FHIT: variants seen among roughly 807,000 people sequenced by gnomAD.
FHIT encodes the protein fragile histidine triad diadenosine triphosphatase.
Under a neutral mutation model 17.9 loss-of-function variants are expected in FHIT, and 19 were observed. The observed-to-expected ratio is 1.06, with a 90% CI of 0.74 to 1.56. The LOEUF is 1.56. Among genes scored for constraint, FHIT ranks in the 40% most tolerant of loss-of-function variants. The pLI is 0.00. For synonymous variants in FHIT, 81 were observed against 69.7 expected, an observed-to-expected ratio of 1.16 and a Z score of -0.81; for missense variants, 248 against 189.2, an observed-to-expected ratio of 1.31 and a Z score of -1.82.
intron 5 of FHIT, among the ~76,000 whole-genome samples, chr3:60,457,791 T>G (rs1195567219): frequency 2.6e-5 from 4 of 151,094 alleles, no homozygotes; most frequent in Non-Finnish European, 4.4e-5. Context: ...CAGACACTTC[T>G]CAAAAGAAGA....
chr3:60,319,684 G>T (rs957672212), intron 5 of FHIT, among the ~76,000 whole-genome samples: 1 of 152,144 alleles, frequency 6.6e-6, no homozygotes, highest in Non-Finnish European at 1.5e-5. Context: ...CAGCAGCACA[G>T]CCACAATGAA....
At chr3:60,530,018 A>T (rs1032115245) in intron 5 of FHIT, among the ~76,000 whole-genome samples, 1 of 152,128 alleles carries the variant, frequency 6.6e-6, no homozygotes, top group African/African-American at 2.4e-5. Context: ...AAAAGTCCTA[A>T]TCAAAATGAC....
chr3:60,074,702 T>C (rs1352943551), intron 5 of FHIT, among the ~76,000 whole-genome samples: 2 of 152,182 alleles, frequency 1.3e-5, no homozygotes, highest in Non-Finnish European at 2.9e-5. Flanking sequence ...CATGATGTTC[T>C]TGTTGGCAGA....
intron 4 of FHIT, among the ~76,000 whole-genome samples, chr3:60,620,506 T>C (rs2039090841): frequency 6.6e-6 from 1 of 152,078 alleles, no homozygotes; most frequent in Non-Finnish European, 1.5e-5. Context: ...ATGGAGTTAC[T>C]TTACAGGCAT....
At chr3:60,921,721 C>T (rs1553768414) in intron 3 of FHIT, among the ~76,000 whole-genome samples, 1 of 149,660 alleles carries the variant, frequency 6.7e-6, no homozygotes, top group Non-Finnish European at 1.5e-5. Flanking sequence ...ACTAGAAAAA[C>T]TGCTTCAAAT....
At chr3:59,806,560 C>A (rs1164848790) in intron 8 of FHIT, among the ~76,000 whole-genome samples, 2 of 151,952 alleles carry the variant, frequency 1.3e-5, no homozygotes, top group African/African-American at 4.8e-5. Context: ...TCTCTCCTAC[C>A]ATCCACAGTC....
intron 5 of FHIT, among the ~76,000 whole-genome samples, chr3:60,421,293 C>G (rs1702456781): frequency 6.6e-6 from 1 of 152,082 alleles, no homozygotes; most frequent in South Asian, 2.1e-4. Flanking sequence ...TATCTAATCT[C>G]ATTCCCTCCC....
intron 4 of FHIT, among the ~76,000 whole-genome samples, chr3:60,665,747 G>A (rs903038417): frequency 6.6e-6 from 1 of 151,850 alleles, no homozygotes; most frequent in Admixed American, 6.6e-5. Flanking sequence ...GTCTTTTGAT[G>A]GTGTTTAGAT....
At chr3:61,134,404 C>A (rs1035271202) in intron 2 of FHIT, among the ~76,000 whole-genome samples, 1 of 152,150 alleles carries the variant, frequency 6.6e-6, no homozygotes, top group Non-Finnish European at 1.5e-5. Flanking sequence ...ATGGTCCAAG[C>A]ATTCTATATT....
chr3:60,668,799 T>C (rs1434313248), intron 4 of FHIT, among the ~76,000 whole-genome samples: 2 of 152,046 alleles, frequency 1.3e-5, no homozygotes, highest in Non-Finnish European at 2.9e-5. Flanking sequence ...TCTCCTGACC[T>C]CATGATCCAC....
intron 4 of FHIT, among the ~76,000 whole-genome samples, chr3:60,761,364 T>TA (rs1553719848): frequency 6.6e-6 from 1 of 152,172 alleles, no homozygotes; most frequent in Non-Finnish European, 1.5e-5. Flanking sequence ...GAGCAACAGA[T>TA]AAAAAATTAT....
intron 5 of FHIT, among the ~76,000 whole-genome samples, chr3:60,506,050 G>A (rs1215824135): frequency 6.6e-6 from 1 of 152,064 alleles, no homozygotes; most frequent in Non-Finnish European, 1.5e-5. Flanking sequence ...TTTATCATTA[G>A]TCTTATTTTC....
At chr3:60,449,489 G>C (rs2031574803) in intron 5 of FHIT, among the ~76,000 whole-genome samples, 1 of 151,754 alleles carries the variant, frequency 6.6e-6, no homozygotes, top group Admixed American at 6.6e-5. Context: ...CTATGTTCTG[G>C]GAAATGCATT....
chr3:60,597,782 C>G (rs1279608782), intron 4 of FHIT, among the ~76,000 whole-genome samples: 3 of 152,144 alleles, frequency 2.0e-5, no homozygotes, highest in African/African-American at 7.2e-5. Context: ...CTTGCTTTAT[C>G]TGAAACCCTG....
intron 4 of FHIT, among the ~76,000 whole-genome samples, chr3:60,606,662 A>G (rs1190646316): frequency 6.6e-6 from 1 of 151,992 alleles, no homozygotes; most frequent in Non-Finnish European, 1.5e-5. Context: ...CTTCTGGTAT[A>G]TTTTCTGCTG....
chr3:59,847,338 C>A (rs2106775592), intron 8 of FHIT, among the ~76,000 whole-genome samples: 1 of 151,984 alleles, frequency 6.6e-6, no homozygotes, highest in Non-Finnish European at 1.5e-5. Flanking sequence ...TTCATTAATT[C>A]TTTCTTCTGC....
intron 4 of FHIT, among the ~76,000 whole-genome samples, chr3:60,748,796 A>G (rs2042409464): frequency 6.6e-6 from 1 of 152,162 alleles, no homozygotes; most frequent in Admixed American, 6.5e-5. Context: ...TGGGCAACAG[A>G]GTGAACTCCA....
At chr3:60,432,194 T>G (rs1025648640) in intron 5 of FHIT, among the ~76,000 whole-genome samples, 8 of 152,270 alleles carry the variant, frequency 5.3e-5, no homozygotes, top group Non-Finnish European at 1.0e-4. Flanking sequence ...CAGGCTGGTC[T>G]TGAACTCCTG....
chr3:61,208,102 A>T (rs1023347659), intron 1 of FHIT, among the ~76,000 whole-genome samples: 1 of 152,106 alleles, frequency 6.6e-6, no homozygotes, highest in Non-Finnish European at 1.5e-5. Context: ...CAGGTTGTTC[A>T]GTTTCCATGT....
Sources: allele counts gnomAD v4.1 joint callset (sites outside exome capture counted in the v4.1 genomes callset), GRCh38; gene constraint gnomAD v4.1.1; transcripts MANE v1.5; gene names NCBI Gene and HGNC (gene_info 2026-07-23, HGNC 2026-07-21).